The following TNFRSF19 variants were observed in gnomAD, a reference collection of about 807,000 sequenced individuals.
The protein encoded by TNFRSF19 is tumor necrosis factor receptor superfamily member 19.
TNFRSF19 carries 27 observed loss-of-function variants against 46.4 expected under a neutral mutation model. The ratio of observed to expected loss-of-function variants is 0.58; its 90% CI spans 0.43 to 0.80. The LOEUF is 0.80. Among genes scored for constraint, TNFRSF19 ranks in the 30% least tolerant of loss-of-function variants. The pLI is 0.00. For synonymous variants in TNFRSF19, 204 were observed against 205.0 expected, an observed-to-expected ratio of 1.00 and a Z score of 0.04; for missense variants, 511 against 530.8, an observed-to-expected ratio of 0.96 and a Z score of 0.37.
At chr13:23,585,624 T>C (rs906770277) in intron 1 of TNFRSF19, 1 of 152,238 alleles carries the variant, frequency 6.6e-6, no homozygotes, top group African/African-American at 2.4e-5. Flanking sequence ...CCCTAGTTAA[T>C]GAATTTCTCT....
intron 3 of TNFRSF19, among the ~76,000 whole-genome samples, chr13:23,612,417 A>G (rs1185821981): frequency 7.2e-5 from 11 of 152,234 alleles, no homozygotes; most frequent in Non-Finnish European, 2.9e-5. Context: ...ATGAGTAATT[A>G]CAGAGTCTGT....
At chr13:23,639,363 A>C (rs1882893871) in intron 5 of TNFRSF19, among the ~76,000 whole-genome samples, 1 of 152,222 alleles carries the variant, frequency 6.6e-6, no homozygotes, top group Admixed American at 6.5e-5. Flanking sequence ...ACTGCACTCC[A>C]GCCTGGGCAA....
At chr13:23,573,252 C>G (rs1451579845) in intron 1 of TNFRSF19, among the ~76,000 whole-genome samples, 1 of 152,130 alleles carries the variant, frequency 6.6e-6, no homozygotes, top group Non-Finnish European at 1.5e-5. Flanking sequence ...AAAATAAAGA[C>G]AGCCACTTCC....
chr13:23,671,171 CT>C (rs1387135079), intron 9 of TNFRSF19, among the ~76,000 whole-genome samples: 1 of 152,092 alleles, frequency 6.6e-6, no homozygotes, highest in Non-Finnish European at 1.5e-5. Flanking sequence ...TCATGACTTA[CT>C]AACTCTTTTT....
At chr13:23,634,368 T>C (rs1392626436) in intron 5 of TNFRSF19, among the ~76,000 whole-genome samples, 3 of 152,248 alleles carry the variant, frequency 2.0e-5, no homozygotes, top group Non-Finnish European at 4.4e-5. Flanking sequence ...CTCTGGCTTT[T>C]ATCTTCAGTC....
intron 5 of TNFRSF19, among the ~76,000 whole-genome samples, chr13:23,648,771 T>C (rs1437021390): frequency 2.0e-5 from 3 of 152,218 alleles, no homozygotes; most frequent in African/African-American, 7.2e-5. Flanking sequence ...TCCTAGTTCA[T>C]TGAGTGTTTT....
intron 5 of TNFRSF19, among the ~76,000 whole-genome samples, chr13:23,658,045 CT>C (rs949583912): frequency 6.6e-6 from 1 of 152,116 alleles, no homozygotes; most frequent in African/African-American, 2.4e-5. Flanking sequence ...GTAACTGCCC[CT>C]CTGTGTAGAT....
At chr13:23,644,811 G>A (rs764073339) in intron 5 of TNFRSF19, among the ~76,000 whole-genome samples, 31 of 111,858 alleles carry the variant, frequency 2.8e-4, no homozygotes, top group African/African-American at 1.1e-3. Flanking sequence ...CTGGTGAGCA[G>A]AGATATCAAG....
In TNFRSF19 at chr13:23,626,783, G is replaced by C. The variant is rs778130753; in HGVS notation, c.436G>C (p.Glu146Gln). The change falls in exon 5 of 10, where the codon GAA becomes CAA. Residue 146 changes from glutamate to glutamine, a missense_variant. Physicochemically the swap from Glu to Gln is conservative, Grantham distance 29. Around this residue, in one of 3 missense-constraint regions of TNFRSF19, gnomAD observed 376 missense variants for 372.7 expected, o/e 1.01. Coordinates refer to ENST00000248484, the MANE Select transcript of TNFRSF19 (RefSeq NM_148957.4). ...TTGTGGAGACCCTCCTCCTCCTTACGAACCGCACTGTGAGTGAACGCAACA... is the reference window on the plus strand; with the variant it reads ...TTGTGGAGACCCTCCTCCTCCTTACCAACCGCACTGTGAGTGAACGCAACA... ...VPCGDPPPPY[E>Q]PHCASKVNLV... The C allele has an allele frequency of 3.1e-6, 5 of 1,614,058 alleles. No homozygotes were observed. The highest frequency in any genetic ancestry group is 4.5e-5 in the East Asian group (2 of 44,880).
At chr13:23,587,057 A>G (rs890601813) in intron 1 of TNFRSF19, among the ~76,000 whole-genome samples, 8 of 152,076 alleles carry the variant, frequency 5.3e-5, no homozygotes, top group Non-Finnish European at 1.2e-4. Flanking sequence ...ATCCAGACCC[A>G]TGGTACATAA....
At chr13:23,626,840 GAA>G (rs758385611) in intron 5 of TNFRSF19, 48 bp downstream of exon 5, 15 of 1,587,378 alleles carry the variant, frequency 9.4e-6, no homozygotes, top group Non-Finnish European at 1.3e-5. Flanking sequence ...CTGGCCTTTT[GAA>G]AAAGTTTAAA....
intron 3 of TNFRSF19, among the ~76,000 whole-genome samples, chr13:23,602,723 T>G (rs1880249272): frequency 6.6e-6 from 1 of 152,094 alleles, no homozygotes; most frequent in Admixed American, 6.6e-5. Flanking sequence ...TGGAAAACTC[T>G]AAAATACTTG....
chr13:23,672,008 A>G (rs1244583494), intron 9 of TNFRSF19, among the ~76,000 whole-genome samples: 4 of 152,188 alleles, frequency 2.6e-5, no homozygotes, highest in Admixed American at 2.6e-4. Flanking sequence ...GGAAAACAAC[A>G]TGTGTCCATC....
rs140759531 is a variant in TNFRSF19, at chr13:23,637,411, A to C, written c.445+10619A>C. Among the ~76,000 whole-genome samples the C allele has an allele frequency of 2.0e-3, 312 of 152,370 alleles. 4 individuals carry two copies. The highest frequency in any genetic ancestry group is 7.0e-3 in the African/African-American group (291 of 41,582). ...AAATGAAGATGCTAGTGATTGTAAA[A>C]GAGGCAGTAATGCCGGGGCTGAGTC... On this transcript the variant is annotated intron_variant, in intron 5 of 9. Coordinates refer to ENST00000248484, the MANE Select transcript of TNFRSF19 (RefSeq NM_148957.4).
At chr13:23,638,492 C>T (rs1470683199) in intron 5 of TNFRSF19, among the ~76,000 whole-genome samples, 5 of 152,228 alleles carry the variant, frequency 3.3e-5, no homozygotes, top group Middle Eastern at 3.4e-3. Context: ...ATTGCTTTTT[C>T]GGTCTTCTTT....
chr13:23,640,574 T>C (rs2138335769), intron 5 of TNFRSF19, among the ~76,000 whole-genome samples: 1 of 152,334 alleles, frequency 6.6e-6, no homozygotes, highest in South Asian at 2.1e-4. Context: ...TTCTTTCTCC[T>C]AACCACCTTT....
intron 5 of TNFRSF19, among the ~76,000 whole-genome samples, chr13:23,642,717 T>C (rs1396141756): frequency 6.6e-6 from 1 of 152,232 alleles, no homozygotes; most frequent in Non-Finnish European, 1.5e-5. Context: ...TAAATCCTTT[T>C]AGAAATTTAA....
intron 5 of TNFRSF19, among the ~76,000 whole-genome samples, chr13:23,651,833 C>A (rs145454146): frequency 0.012 from 1,345 of 108,258 alleles, 17 homozygotes; most frequent in Non-Finnish European, 0.014. Flanking sequence ...ATCCTTCACA[C>A]TATAGTCTTT....
chr13:23,621,739 T>G (rs1302220370), intron 4 of TNFRSF19, among the ~76,000 whole-genome samples: 1 of 150,472 alleles, frequency 6.6e-6, no homozygotes, highest in Non-Finnish European at 1.5e-5. Flanking sequence ...AGCTCAAGAG[T>G]GTGACATCAG....
Sources: gnomAD v4.1 joint callset for allele counts (sites outside exome capture counted in the v4.1 genomes callset) on GRCh38, gnomAD v4.1.1 for gene constraint, gnomAD v4.1.1 regional missense constraint, MANE v1.5 for transcripts, NCBI Gene and HGNC (gene_info 2026-07-23, HGNC 2026-07-21) for gene names.